Variants in SLC39A11 observed in about 807,000 individuals in gnomAD.
The protein encoded by SLC39A11 is zinc transporter ZIP11.
A neutral mutation model predicts 36.1 loss-of-function variants in SLC39A11; 33 were observed. The observed-to-expected ratio is 0.91, with a 90% CI of 0.69 to 1.22. The LOEUF is 1.22. Among genes scored for constraint, SLC39A11 ranks in the 50% most tolerant of loss-of-function variants. The pLI, the probability that SLC39A11 is intolerant of heterozygous loss-of-function variation, is 0.00. For missense variants in SLC39A11, 432 were observed against 430.3 expected, an observed-to-expected ratio of 1.00 and a Z score of -0.03; for synonymous variants, 166 against 170.3, an observed-to-expected ratio of 0.97 and a Z score of 0.20.
At chr17:73,055,638 G>A (rs918391304) in intron 3 of SLC39A11, among the ~76,000 whole-genome samples, 2 of 151,556 alleles carry the variant, frequency 1.3e-5, no homozygotes, top group Admixed American at 1.3e-4. Flanking sequence ...GGTAGGGGGC[G>A]AGGGGCAGGG....
intron 6 of SLC39A11, among the ~76,000 whole-genome samples, chr17:72,788,234 T>G (rs2076583074): frequency 6.6e-6 from 1 of 152,206 alleles, no homozygotes; most frequent in African/African-American, 2.4e-5. Flanking sequence ...CAGAAATTTC[T>G]TCATCTGGCC....
chr17:72,828,300 G>T (rs1003378055), intron 6 of SLC39A11, among the ~76,000 whole-genome samples: 4 of 152,198 alleles, frequency 2.6e-5, no homozygotes, highest in Non-Finnish European at 5.9e-5. Context: ...AAAATGAAAA[G>T]GAAGGTAGGA....
chr17:73,077,714 T>C (rs186888653), intron 3 of SLC39A11, among the ~76,000 whole-genome samples: 2 of 152,334 alleles, frequency 1.3e-5, no homozygotes, highest in Admixed American at 1.3e-4. Context: ...TACCGACTAC[T>C]TTAAAAGTCA....
At chr17:72,768,498 G>A (rs916889580) in intron 6 of SLC39A11, among the ~76,000 whole-genome samples, 1 of 152,158 alleles carries the variant, frequency 6.6e-6, no homozygotes, top group Admixed American at 6.5e-5. Flanking sequence ...CAGAGGCAGA[G>A]GGTAGCCTCC....
chr17:72,834,619 C>G (rs1241316506), intron 6 of SLC39A11, among the ~76,000 whole-genome samples: 1 of 138,012 alleles, frequency 7.2e-6, no homozygotes, highest in African/African-American at 2.9e-5. Flanking sequence ...GAGACTCCAA[C>G]TCCATAAACA....
At chr17:72,696,257 C>T (rs1435734416) in intron 7 of SLC39A11, among the ~76,000 whole-genome samples, 1 of 151,926 alleles carries the variant, frequency 6.6e-6, no homozygotes, top group Admixed American at 6.6e-5. Context: ...AAGCCTGAGT[C>T]CCCACCTGGC....
chr17:73,022,595 TAAA>T (rs10675859), intron 4 of SLC39A11, among the ~76,000 whole-genome samples: 3 of 56,762 alleles, frequency 5.3e-5, no homozygotes, highest in Non-Finnish European at 8.5e-5. Context: ...AACTCCATCT[TAAA>T]AAAAAAAAAA....
chr17:72,796,635 G>A lies in SLC39A11; in HGVS notation c.601+52999C>T, dbSNP rs532846165. On this transcript the variant is annotated intron_variant, in intron 6 of 9. Coordinates refer to ENST00000255559, the MANE Select transcript of SLC39A11 (RefSeq NM_139177.4). ...CGTTTCAACAGGCAGCTGAAAAAAC[G>A]AGACCTAGGCCCTGGAGGGGGCACG... is the stretch of plus-strand genomic sequence containing the variant. Among the ~76,000 whole-genome samples, 6 of 152,224 alleles carry A rather than the reference G, an allele frequency of 3.9e-5. No individual in the cohort carries two copies. The South Asian group carries it at 8.3e-4, about 21-fold the overall frequency.
chr17:73,010,603 T>C (rs1326969911), intron 4 of SLC39A11, among the ~76,000 whole-genome samples: 2 of 152,164 alleles, frequency 1.3e-5, no homozygotes, highest in African/African-American at 4.8e-5. Flanking sequence ...CACAGGCAAC[T>C]TCCCTGCTCT....
intron 3 of SLC39A11, among the ~76,000 whole-genome samples, chr17:73,040,811 C>A (rs917795654): frequency 6.6e-6 from 1 of 151,762 alleles, no homozygotes; most frequent in Non-Finnish European, 1.5e-5. Flanking sequence ...ATGGTGAAAC[C>A]CTGTTTCTAC....
At chr17:72,692,629 C>T (rs1217279607) in intron 7 of SLC39A11, among the ~76,000 whole-genome samples, 1 of 152,206 alleles carries the variant, frequency 6.6e-6, no homozygotes. Context: ...AATTACCTCC[C>T]CCTGGTTCCC....
At chr17:72,884,413 G>C (rs1033279455) in intron 5 of SLC39A11, among the ~76,000 whole-genome samples, 1 of 152,250 alleles carries the variant, frequency 6.6e-6, no homozygotes, top group Non-Finnish European at 1.5e-5. Flanking sequence ...GGCTCAGAAA[G>C]TCTTTAGCTT....
At chr17:72,833,667 T>C (rs60121865) in intron 6 of SLC39A11, among the ~76,000 whole-genome samples, 1,872 of 152,266 alleles carry the variant, frequency 0.012, 36 homozygotes, top group African/African-American at 0.039. Context: ...CCAATGATGT[T>C]GGCTTGGGCT....
At chr17:72,835,361 G>A (rs1459457594) in intron 6 of SLC39A11, among the ~76,000 whole-genome samples, 1 of 152,266 alleles carries the variant, frequency 6.6e-6, no homozygotes, top group Non-Finnish European at 1.5e-5. Flanking sequence ...ATCAAAGCAA[G>A]TTGAAGGCAA....
intron 4 of SLC39A11, among the ~76,000 whole-genome samples, chr17:72,958,045 C>T (rs1325451070): frequency 6.6e-6 from 1 of 152,114 alleles, no homozygotes; most frequent in Non-Finnish European, 1.5e-5. Flanking sequence ...AGAATAGAAA[C>T]CCCAGAAATA....
At chr17:72,964,982 C>T (rs888972208) in intron 4 of SLC39A11, among the ~76,000 whole-genome samples, 1 of 152,032 alleles carries the variant, frequency 6.6e-6, no homozygotes, top group South Asian at 2.1e-4. Flanking sequence ...AACCATCATT[C>T]TCAGCAAACT....
intron 5 of SLC39A11, among the ~76,000 whole-genome samples, chr17:72,929,914 C>A (rs775674146): frequency 6.6e-6 from 1 of 152,172 alleles, no homozygotes; most frequent in Non-Finnish European, 1.5e-5. Flanking sequence ...TGTTTGTCTG[C>A]CTCAATGTAC....
At chr17:72,975,336 G>A (rs895822880) in intron 4 of SLC39A11, among the ~76,000 whole-genome samples, 6 of 152,224 alleles carry the variant, frequency 3.9e-5, no homozygotes, top group African/African-American at 1.4e-4. Context: ...CCACTTTGGA[G>A]GCTGAGCCAG....
chr17:72,840,346 C>T (rs2078747217), intron 6 of SLC39A11, among the ~76,000 whole-genome samples: 1 of 152,222 alleles, frequency 6.6e-6, no homozygotes, highest in South Asian at 2.1e-4. Flanking sequence ...AATTCACCTA[C>T]CCTCTTCTCT....
Sources: allele counts gnomAD v4.1 joint callset (sites outside exome capture counted in the v4.1 genomes callset), GRCh38; gene constraint gnomAD v4.1.1; transcripts MANE v1.5; gene names NCBI Gene and HGNC (gene_info 2026-07-23, HGNC 2026-07-21).